The following PCDH9 variants were observed in gnomAD, a reference collection of about 807,000 sequenced individuals.
PCDH9 encodes the protein protocadherin 9.
A neutral mutation model predicts 70.6 loss-of-function variants in PCDH9; 24 were observed. The observed-to-expected ratio is 0.34, with a 90% CI of 0.25 to 0.48. The LOEUF (loss-of-function observed/expected upper bound fraction) is 0.48, where lower values mean the gene tolerates loss of function less well. PCDH9 is among the 20% of genes least tolerant of loss of function. PCDH9 has a pLI of 0.99. For synonymous variants in PCDH9, 562 were observed against 558.5 expected (o/e 1.01, Z -0.09); for missense variants, 1,281 against 1,503.6 (o/e 0.85, Z 2.45).
chr13:66,784,979 T>C (rs568781217), intron 3 of PCDH9, among the ~76,000 whole-genome samples: 1 of 152,248 alleles, frequency 6.6e-6, no homozygotes, highest in South Asian at 2.1e-4. Context: ...TTCCCTTTTA[T>C]TTTGGAAAGT....
At chr13:66,516,245 C>A (rs1959729553) in intron 4 of PCDH9, among the ~76,000 whole-genome samples, 1 of 151,858 alleles carries the variant, frequency 6.6e-6, no homozygotes, top group Non-Finnish European at 1.5e-5. Context: ...ATACAACTGG[C>A]AAACTTATTA....
At chr13:66,824,895 C>G (rs780579585) in intron 3 of PCDH9, among the ~76,000 whole-genome samples, 7 of 151,442 alleles carry the variant, frequency 4.6e-5, no homozygotes, top group Non-Finnish European at 1.0e-4. Context: ...ATCCTCATAA[C>G]AGGAGAGATT....
chr13:66,441,949 G>C (rs542427625), intron 4 of PCDH9, among the ~76,000 whole-genome samples: 2 of 152,132 alleles, frequency 1.3e-5, no homozygotes, highest in South Asian at 4.1e-4. Context: ...AGTTATGTAC[G>C]CAAATAACAA....
intron 4 of PCDH9, among the ~76,000 whole-genome samples, chr13:66,381,873 T>G (rs1242995969): frequency 6.6e-6 from 1 of 152,166 alleles, no homozygotes; most frequent in East Asian, 1.9e-4. Context: ...AGACAGGAGT[T>G]TTTAAGTTGA....
intron 2 of PCDH9, among the ~76,000 whole-genome samples, chr13:66,939,206 C>CT (rs1253244729): frequency 1.3e-5 from 2 of 151,994 alleles, no homozygotes; most frequent in Non-Finnish European, 2.9e-5. Context: ...ATTAAAAACA[C>CT]TGCTTAAATA....
chr13:66,698,988 C>T (rs527869014), intron 3 of PCDH9, among the ~76,000 whole-genome samples: 1 of 147,350 alleles, frequency 6.8e-6, no homozygotes, highest in South Asian at 2.2e-4. Context: ...AATCTCGGCT[C>T]ACTGCAACCT....
intron 4 of PCDH9, among the ~76,000 whole-genome samples, chr13:66,525,112 C>T (rs1487261998): frequency 6.6e-6 from 1 of 151,978 alleles, no homozygotes; most frequent in Non-Finnish European, 1.5e-5. Flanking sequence ...TCTGAATTGC[C>T]AGACACTACT....
intron 4 of PCDH9, among the ~76,000 whole-genome samples, chr13:66,347,795 C>G (rs936059933): frequency 2.6e-5 from 4 of 152,140 alleles, no homozygotes; most frequent in African/African-American, 9.7e-5. Flanking sequence ...AAGCCTCTCC[C>G]CATCTGCTTT....
intron 2 of PCDH9, among the ~76,000 whole-genome samples, chr13:67,174,734 T>G (rs2088400451): frequency 6.6e-6 from 1 of 152,208 alleles, no homozygotes; most frequent in Non-Finnish European, 1.5e-5. Flanking sequence ...TTCACTGACT[T>G]TGATCTAAAC....
At chr13:67,186,012 A>T (rs890537739) in intron 2 of PCDH9, among the ~76,000 whole-genome samples, 1 of 152,192 alleles carries the variant, frequency 6.6e-6, no homozygotes, top group African/African-American at 2.4e-5. Context: ...CATTACAGGC[A>T]TGAGCCACTG....
chr13:66,805,487 T>C (rs2080395370), intron 3 of PCDH9, among the ~76,000 whole-genome samples: 1 of 152,148 alleles, frequency 6.6e-6, no homozygotes, highest in Non-Finnish European at 1.5e-5. Flanking sequence ...TCTAGAAAAT[T>C]AGAAATATGG....
chr13:66,685,030 G>GAA (rs71106988), intron 3 of PCDH9, among the ~76,000 whole-genome samples: 92 of 148,744 alleles, frequency 6.2e-4, no homozygotes, highest in South Asian at 3.8e-3. Flanking sequence ...CAATAGAAAA[G>GAA]AAAAAAAAAA....
At chr13:67,141,814 A>ATTAT (rs2087399030) in intron 2 of PCDH9, among the ~76,000 whole-genome samples, 2 of 152,092 alleles carry the variant, frequency 1.3e-5, no homozygotes, top group South Asian at 4.2e-4. Flanking sequence ...TATACAGGGT[A>ATTAT]ACCATAATCC....
chr13:66,574,278 C>T (rs1287077724), intron 4 of PCDH9, among the ~76,000 whole-genome samples: 1 of 152,190 alleles, frequency 6.6e-6, no homozygotes. Context: ...ATTTTCCCAA[C>T]CAGCTTCAGT....
intron 4 of PCDH9, among the ~76,000 whole-genome samples, chr13:66,418,848 C>G (rs1957510007): frequency 1.3e-5 from 2 of 151,600 alleles, no homozygotes; most frequent in Non-Finnish European, 1.5e-5. Context: ...GCTAGCCAGA[C>G]TAATAAAGAA....
At chr13:66,867,612 C>T (rs2081599982) in intron 3 of PCDH9, among the ~76,000 whole-genome samples, 2 of 151,962 alleles carry the variant, frequency 1.3e-5, no homozygotes, top group South Asian at 2.1e-4. Flanking sequence ...TTTATTAACC[C>T]ATGCTATTGA....
chr13:67,042,824 G>A (rs1270529559), intron 2 of PCDH9, among the ~76,000 whole-genome samples: 1 of 152,028 alleles, frequency 6.6e-6, no homozygotes, highest in African/African-American at 2.4e-5. Flanking sequence ...AGCGAAACAT[G>A]GAATGACACT....
intron 2 of PCDH9, chr13:67,218,699 T>C (rs1464306919): frequency 6.6e-6 from 1 of 152,056 alleles, no homozygotes; most frequent in Non-Finnish European, 1.5e-5. Flanking sequence ...TCCACATAAA[T>C]TACTAAGTGG....
At chr13:66,632,852 A>C (rs1428807932) in intron 3 of PCDH9, among the ~76,000 whole-genome samples, 5 of 152,020 alleles carry the variant, frequency 3.3e-5, no homozygotes, top group African/African-American at 4.8e-5. Context: ...AAAATGATGA[A>C]TGTATATATT....
Sources: allele counts gnomAD v4.1 joint callset (sites outside exome capture counted in the v4.1 genomes callset), GRCh38; gene constraint gnomAD v4.1.1; transcripts MANE v1.5; gene names NCBI Gene and HGNC (gene_info 2026-07-23, HGNC 2026-07-21).